SMS: variants seen among roughly 807,000 people sequenced by gnomAD.
SMS encodes the protein spermine synthase.
In SMS, 3 loss-of-function variants were observed where a neutral mutation model predicts 33.0. The observed-to-expected ratio is 0.09, with a 90% CI of 0.04 to 0.23. The LOEUF is 0.23. Ranked by LOEUF, SMS falls within the 10% of genes least tolerant of loss-of-function variation. SMS has a pLI of 1.00. For synonymous variants in SMS, 103 were observed against 112.2 expected, an observed-to-expected ratio of 0.92 and a Z score of 0.52; for missense variants, 117 against 288.6, an observed-to-expected ratio of 0.41 and a Z score of 4.31.
intron 7 of SMS, among the ~76,000 whole-genome samples, chrX:21,982,636 A>C (rs1245799614): frequency 8.9e-6 from 1 of 112,609 alleles, no homozygotes; most frequent in Non-Finnish European, 1.9e-5. Context: ...GGCAATGACA[A>C]CAGAAAGAAT....
At chrX:21,971,735 C>T (rs12013805) in intron 2 of SMS, among the ~76,000 whole-genome samples, 162 bp from the exon 3 acceptor site, 9 of 110,691 alleles carry the variant, frequency 8.1e-5, no homozygotes, top group Non-Finnish European at 1.5e-4. Context: ...AGTTTCTCCC[C>T]GCAAGACGCA....
chrX:21,977,115 C>T lies in SMS; in HGVS notation c.384C>T (p.Asp128=), dbSNP rs776412245. 14 of 1,208,415 alleles carry T rather than the reference C, an allele frequency of 1.2e-5. No homozygotes were observed. The highest frequency in any genetic ancestry group is 7.0e-5 in the South Asian group (4 of 56,910). ...GAIDRYWPTA[D]GRLVEYDIDE... is the part of the protein sequence containing the mutation. ...TCGACAGATACTGGCCCACCGCCGA[C>T]GGGCGCCTGGTTGAATATGACATAG... The change falls in exon 5 of 11, where the codon GAC becomes GAT. Residue 128 remains aspartate (D), a synonymous_variant. Transcript: ENST00000404933.
At position 21,971,985 on chromosome X, in the gene SMS, G is replaced by A. The variant is rs750631016; in HGVS notation, c.259G>A (p.Asp87Asn). The A allele has an allele frequency of 2.4e-5, 28 of 1,169,585 alleles. No individual in the cohort carries two copies. The highest frequency in any genetic ancestry group is 1.9e-4 in the African/African-American group (11 of 56,517). The stretch of plus-strand genomic sequence containing the variant: ...TGATGCGCAAGGCAAAGAAGAGATC[G>A]ACAGTGTCGGTTTTTCACTTTCATT... The part of the protein sequence containing the change: ...DGDAQGKEEI[D>N]SILNKVEERM... Residue 87 changes from aspartate to asparagine, a missense_variant, in exon 3 of 11, where the codon GAC (aspartate) becomes AAC (asparagine). This residue lies in a region of SMS where 25 missense variants were observed against 24.4 expected (regional missense o/e 1.03). Transcript: ENST00000404933.
intron 4 of SMS, among the ~76,000 whole-genome samples, chrX:21,976,051 C>G (rs1344855889): frequency 1.8e-5 from 2 of 111,226 alleles, no homozygotes; most frequent in Non-Finnish European, 3.8e-5. Context: ...TTGCCAAGCC[C>G]CTTTTCCAGG....
intron 10 of SMS, among the ~76,000 whole-genome samples, chrX:21,993,715 A>G (rs1490628521): frequency 8.9e-6 from 1 of 112,507 alleles, no homozygotes; most frequent in Non-Finnish European, 1.9e-5. Flanking sequence ...GAGCTTCAGC[A>G]TCTCCTACCA....
intron 1 of SMS, among the ~76,000 whole-genome samples, chrX:21,957,029 A>C (rs1412911744): frequency 9.0e-6 from 1 of 111,683 alleles, no homozygotes; most frequent in Non-Finnish European, 1.9e-5. Context: ...GATACTTGGT[A>C]GTCTATGATA....
At chrX:21,991,634 G>A (rs1351306859) in intron 9 of SMS, among the ~76,000 whole-genome samples, 1 of 112,377 alleles carries the variant, frequency 8.9e-6, no homozygotes, top group Non-Finnish European at 1.9e-5. Flanking sequence ...GTGCTAAGAG[G>A]ATGATAAATG....
At chrX:21,967,349 G>A in intron 2 of SMS, 33 bp downstream of exon 2, 1 of 1,201,293 alleles carries the variant, frequency 8.3e-7, no homozygotes, top group Non-Finnish European at 1.1e-6. Flanking sequence ...CTTCATACCT[G>A]GTCACTTATG....
intron 2 of SMS, among the ~76,000 whole-genome samples, chrX:21,970,060 C>T (rs1453896120): frequency 2.6e-5 from 3 of 113,306 alleles, no homozygotes; most frequent in Non-Finnish European, 5.6e-5. Context: ...CATCCACCTG[C>T]CTCGGCCTCC....
At chrX:21,980,198 G>A (rs936132460) in intron 7 of SMS, among the ~76,000 whole-genome samples, 1 of 109,263 alleles carries the variant, frequency 9.2e-6, no homozygotes, top group African/African-American at 3.3e-5. Context: ...GAAAATAACA[G>A]ATGACAAAGA....
intron 1 of SMS, chrX:21,941,325 G>C (rs757912796): frequency 1.7e-5 from 4 of 240,128 alleles, no homozygotes; most frequent in Non-Finnish European, 3.1e-5. Context: ...GGCGTGCGCC[G>C]AGCGGGGCTG....
In SMS at chrX:21,978,931, G is replaced by A. The variant is rs751238986; in HGVS notation, c.715G>A (p.Asp239Asn). ...GAAATACATGCGAAAAACGTGTGGC[G>A]ATGTCTTAGACAATCTTAAAGGAGA... ...CKKYMRKTCGDVLDNLKGDCY... is the reference protein window; with the variant it reads ...CKKYMRKTCGNVLDNLKGDCY... The change falls in exon 7 of 11, where the codon GAT (aspartate) becomes AAT (asparagine). Residue 239 changes from aspartate to asparagine, a missense_variant. Asp to Asn is a conservative substitution (Grantham distance 23). This residue lies in a region of SMS where 69 missense variants were observed against 203.8 expected (regional missense o/e 0.34). Transcript: ENST00000404933. 3.1e-5 allele frequency: 37 copies of A among 1,202,200 alleles called. No individual in the cohort carries two copies. Among genetic ancestry groups the A allele is most frequent in the Non-Finnish European group, 1.0e-5 (9 of 887,947 alleles).
At chrX:21,949,146 A>G (rs1029051784) in intron 1 of SMS, among the ~76,000 whole-genome samples, 6 of 111,660 alleles carry the variant, frequency 5.4e-5, no homozygotes, top group Non-Finnish European at 9.4e-5. Flanking sequence ...CACAGATTCA[A>G]AAGGAGCTGG....
At chrX:21,988,662 C>CAAAA (rs199561897) in intron 9 of SMS, among the ~76,000 whole-genome samples, 30 of 66,120 alleles carry the variant, frequency 4.5e-4, no homozygotes, top group Non-Finnish European at 6.5e-4. Flanking sequence ...GACTCTGTCT[C>CAAAA]AAAAAAAAAA....
chrX:21,950,997 T>C (rs1368422611), intron 1 of SMS, among the ~76,000 whole-genome samples: 1 of 112,202 alleles, frequency 8.9e-6, no homozygotes, highest in Non-Finnish European at 1.9e-5. Flanking sequence ...TTTTTCCGGT[T>C]CTAGATCCTT....
In SMS at chrX:21,961,590, A is replaced by G. The variant is rs1326450721; in HGVS notation, c.50-5606A>G. ...TGGTAGAAAATGAGGCAGGAGGGTG[A>G]AGCTTAGGCCTTGATTCTTTTTTTT... On this transcript the variant is annotated intron_variant, in intron 1 of 10. Transcript: ENST00000404933. Among the ~76,000 whole-genome samples, 6 of 110,602 alleles carry G rather than the reference A, an allele frequency of 5.4e-5. No individual in the cohort carries two copies. In the East Asian group the frequency reaches 1.7e-3, roughly 31 times the overall value.
At chrX:21,960,232 A>G (rs1372358892) in intron 1 of SMS, among the ~76,000 whole-genome samples, 1 of 110,707 alleles carries the variant, frequency 9.0e-6, no homozygotes, top group African/African-American at 3.3e-5. Flanking sequence ...CAGTTCTGGG[A>G]GAGACCTAGG....
chrX:21,978,857 CT>C lies in SMS; in HGVS notation c.661-19del. On this transcript the variant is annotated intron_variant, in intron 6 of 10. Transcript: ENST00000404933. ...CAGAATTCTTTGATATACCCAAATTCTCCTTAACCTGTTGCGGACATTGACC... is the reference window on the plus strand; with the variant it reads ...CAGAATTCTTTGATATACCCAAATTCCCTTAACCTGTTGCGGACATTGACC... The C allele has an allele frequency of 8.9e-7, 1 of 1,129,829 alleles. No homozygotes were observed. The highest frequency in any genetic ancestry group is 1.2e-6 in the Non-Finnish European group (1 of 821,360). The allele number at this position is 1,129,829 out of a possible 1,213,427, so 93.1% of individuals were successfully genotyped here.
intron 4 of SMS, among the ~76,000 whole-genome samples, chrX:21,975,610 G>C (rs1924486988): frequency 9.0e-6 from 1 of 111,359 alleles, no homozygotes; most frequent in African/African-American, 3.3e-5. Flanking sequence ...CTGCTCTCTA[G>C]CAGTTGTCCT....
Sources: gnomAD v4.1 joint callset for allele counts (sites outside exome capture counted in the v4.1 genomes callset) on GRCh38, gnomAD v4.1.1 for gene constraint, gnomAD v4.1.1 regional missense constraint, MANE v1.5 for transcripts, NCBI Gene and HGNC (gene_info 2026-07-23, HGNC 2026-07-21) for gene names.